The following REEP3 variants were observed in gnomAD, a reference collection of about 807,000 sequenced individuals.
REEP3 encodes the protein receptor accessory protein 3.
Under a neutral mutation model 41.3 loss-of-function variants are expected in REEP3, and 20 were observed. The ratio of observed to expected loss-of-function variants is 0.48; its 90% CI spans 0.34 to 0.70. The LOEUF (loss-of-function observed/expected upper bound fraction) is 0.70. REEP3 is among the 30% of genes least tolerant of loss of function. The pLI, the probability that REEP3 is intolerant of heterozygous loss-of-function variation, is 0.01. For missense variants in REEP3, 271 were observed against 308.8 expected (o/e 0.88, Z 0.92); for synonymous variants, 104 against 101.8 (o/e 1.02, Z -0.13).
intron 5 of REEP3, chr10:63,606,026 A>C: frequency 2.1e-6 from 1 of 484,006 alleles, no homozygotes; most frequent in Non-Finnish European, 2.7e-6. Flanking sequence ...GATCAGTTTC[A>C]ATGTGTAAAA....
chr10:63,546,793 A>G (rs943198929), intron 1 of REEP3, among the ~76,000 whole-genome samples: 5 of 152,238 alleles, frequency 3.3e-5, no homozygotes, highest in African/African-American at 1.2e-4. Flanking sequence ...TTGTATGCCA[A>G]TTGGATATCC....
chr10:63,526,898 CTTT>C (rs1955369943), intron 1 of REEP3, among the ~76,000 whole-genome samples: 2 of 152,004 alleles, frequency 1.3e-5, no homozygotes, highest in South Asian at 2.1e-4. Context: ...AGTTCGCCTT[CTTT>C]GTTTTTTATT....
intron 5 of REEP3, among the ~76,000 whole-genome samples, chr10:63,602,804 A>G (rs1054561362): frequency 6.6e-6 from 1 of 152,048 alleles, no homozygotes; most frequent in African/African-American, 2.4e-5. Flanking sequence ...CTTCGCCTCC[A>G]TTGGTATTTA....
intron 5 of REEP3, among the ~76,000 whole-genome samples, chr10:63,608,696 A>T (rs1956251519): frequency 1.3e-5 from 2 of 151,830 alleles, no homozygotes; most frequent in African/African-American, 4.8e-5. Context: ...TAAATTTAGA[A>T]TTTTTTTTTC....
rs546417802 is a variant in REEP3 at position 63,616,084 on chromosome 10, C to T, written c.566-3571C>T. 2.2e-3 allele frequency among the ~76,000 whole-genome samples: 330 copies of T among 152,314 alleles called. 1 individual carries two copies. The highest frequency in any genetic ancestry group is 7.7e-3 in the African/African-American group (319 of 41,560). ...AAAACATTTCAATACTCTCCCCGAG[C>T]CTCCAGAGGCTTCATTGCTCTCTGA... is the stretch of plus-strand genomic sequence containing the variant. On this transcript the variant is annotated intron_variant, in intron 6 of 7. Transcript: ENST00000373758.
At chr10:63,543,620 A>C (rs1409632836) in intron 1 of REEP3, among the ~76,000 whole-genome samples, 1 of 152,216 alleles carries the variant, frequency 6.6e-6, no homozygotes, top group Non-Finnish European at 1.5e-5. Context: ...TGTACAGAAG[A>C]TTCAGTTCTG....
intron 1 of REEP3, among the ~76,000 whole-genome samples, chr10:63,531,472 T>C (rs1009794426): frequency 6.6e-6 from 1 of 152,194 alleles, no homozygotes. Flanking sequence ...TGGGAACCAC[T>C]GTGTTAAGTA....
intron 2 of REEP3, among the ~76,000 whole-genome samples, chr10:63,587,342 ATTG>A (rs1956017566): frequency 6.6e-6 from 1 of 152,164 alleles, no homozygotes; most frequent in Non-Finnish European, 1.5e-5. Context: ...TTTCTCAATC[ATTG>A]TAGCACTGTC....
intron 5 of REEP3, among the ~76,000 whole-genome samples, chr10:63,600,578 C>T (rs942664389): frequency 2.0e-5 from 3 of 152,038 alleles, no homozygotes; most frequent in African/African-American, 7.2e-5. Flanking sequence ...TTATTTCTTG[C>T]TTAGTGAAAA....
chr10:63,580,557 G>T (rs1449368962), intron 2 of REEP3, among the ~76,000 whole-genome samples: 2 of 152,136 alleles, frequency 1.3e-5, no homozygotes, highest in African/African-American at 4.8e-5. Context: ...AGGTAAATTA[G>T]TGTATCTAGG....
intron 2 of REEP3, among the ~76,000 whole-genome samples, chr10:63,580,435 C>A: frequency 6.6e-6 from 1 of 152,000 alleles, no homozygotes; most frequent in Non-Finnish European, 1.5e-5. Flanking sequence ...CTGCATCCAG[C>A]TATAATAGCT....
At chr10:63,522,064 C>T (rs527483752) in intron 1 of REEP3, among the ~76,000 whole-genome samples, 1 of 152,242 alleles carries the variant, frequency 6.6e-6, no homozygotes, top group East Asian at 1.9e-4. Context: ...CCTTTGTATC[C>T]CGCGGCTGAT....
At chr10:63,547,109 G>A (rs1589862051) in intron 1 of REEP3, among the ~76,000 whole-genome samples, 1 of 151,326 alleles carries the variant, frequency 6.6e-6, no homozygotes, top group Non-Finnish European at 1.5e-5. Flanking sequence ...TTTAGTAGAG[G>A]CGGGGTTTCA....
At chr10:63,548,703 T>TACAAAAACAAAAACAAAA (rs1446278592) in intron 1 of REEP3, among the ~76,000 whole-genome samples, 4 of 152,136 alleles carry the variant, frequency 2.6e-5, no homozygotes, top group Non-Finnish European at 5.9e-5. Context: ...AACAAAAATG[T>TACAAAAACAAAAACAAAA]AACTGCGATG....
chr10:63,530,141 T>C (rs185964325), intron 1 of REEP3, among the ~76,000 whole-genome samples: 29 of 147,916 alleles, frequency 2.0e-4, no homozygotes, highest in Admixed American at 1.6e-3. Context: ...TTTGTTAGGG[T>C]ATATGTTTGT....
At chr10:63,535,184 G>T (rs1301405201) in intron 1 of REEP3, among the ~76,000 whole-genome samples, 1 of 152,078 alleles carries the variant, frequency 6.6e-6, no homozygotes, top group African/African-American at 2.4e-5. Flanking sequence ...CAAAATAAAG[G>T]GGTCAAGTAG....
chr10:63,566,804 C>G (rs1415546674), intron 2 of REEP3, among the ~76,000 whole-genome samples: 1 of 152,152 alleles, frequency 6.6e-6, no homozygotes, highest in East Asian at 1.9e-4. Flanking sequence ...TCATCACTTT[C>G]TAATCTATAT....
intron 1 of REEP3, among the ~76,000 whole-genome samples, chr10:63,563,374 T>C (rs1955762027): frequency 6.6e-6 from 1 of 152,204 alleles, no homozygotes; most frequent in African/African-American, 2.4e-5. Context: ...CTTCAAATAC[T>C]GTTCTCCAAT....
chr10:63,562,223 C>T (rs1955746687), intron 1 of REEP3, among the ~76,000 whole-genome samples: 1 of 150,210 alleles, frequency 6.7e-6, no homozygotes, highest in African/African-American at 2.5e-5. Flanking sequence ...AGTGAAGTCG[C>T]TTTCACAGGT....
Sources: gnomAD v4.1 joint callset for allele counts (sites outside exome capture counted in the v4.1 genomes callset) on GRCh38, gnomAD v4.1.1 for gene constraint, MANE v1.5 for transcripts, NCBI Gene and HGNC (gene_info 2026-07-23, HGNC 2026-07-21) for gene names.